FHL2: variants seen among roughly 807,000 people sequenced by gnomAD.
The protein encoded by FHL2 is four and a half LIM domains 2, also known as four and a half LIM domains protein 2.
FHL2 carries 20 observed loss-of-function variants against 32.7 expected under a neutral mutation model. The ratio of observed to expected loss-of-function variants is 0.61; its 90% confidence interval spans 0.43 to 0.89. FHL2 has a LOEUF of 0.89. Among genes scored for constraint, FHL2 ranks in the 40% least tolerant of loss-of-function variants. The pLI is 0.00. For synonymous variants in FHL2, 123 were observed against 128.1 expected, an observed-to-expected ratio of 0.96 and a Z score of 0.27; for missense variants, 311 against 358.6, an observed-to-expected ratio of 0.87 and a Z score of 1.07.
At chr2:105,404,293 G>A (rs974637633) in intron 1 of FHL2, among the ~76,000 whole-genome samples, 3 of 152,212 alleles carry the variant, frequency 2.0e-5, no homozygotes, top group African/African-American at 7.2e-5. Flanking sequence ...TTGATTCAGA[G>A]GCAATCATTC....
At chr2:105,425,637 T>C (rs1173262786) in intron 1 of FHL2, among the ~76,000 whole-genome samples, 20 of 152,102 alleles carry the variant, frequency 1.3e-4, no homozygotes, top group Admixed American at 1.3e-3. Flanking sequence ...AGCTGCCCTG[T>C]GGCGGGAGAC....
At chr2:105,435,297 T>C (rs1051320519) in intron 1 of FHL2, among the ~76,000 whole-genome samples, 22 of 152,242 alleles carry the variant, frequency 1.4e-4, no homozygotes, top group African/African-American at 5.3e-4. Flanking sequence ...ATATATGTAA[T>C]GTTTTCATAT....
At chr2:105,408,564 G>A (rs1683703821) in intron 1 of FHL2, among the ~76,000 whole-genome samples, 1 of 152,154 alleles carries the variant, frequency 6.6e-6, no homozygotes, top group Non-Finnish European at 1.5e-5. Context: ...CATTTATTTT[G>A]GACAGGTCAC....
At chr2:105,404,119 T>G (rs1340844870), upstream of FHL2, among the ~76,000 whole-genome samples, 1 of 152,164 alleles carries the variant, frequency 6.6e-6, no homozygotes, top group East Asian at 1.9e-4. Flanking sequence ...AGGTAGAAAG[T>G]GAACACAGGA....
chr2:105,410,858 T>C (rs369646396), intron 1 of FHL2, among the ~76,000 whole-genome samples: 26 of 152,262 alleles, frequency 1.7e-4, no homozygotes, highest in African/African-American at 6.3e-4. Flanking sequence ...ACCTTGGAGG[T>C]TGCAGTTACA....
Position 105,367,713 on chromosome 2 carries a change from T to C in FHL2, c.358A>G (p.Ser120Gly). 6.2e-7 allele frequency: 1 copy of C among 1,614,182 alleles called. No individual in the cohort carries two copies. The highest frequency in any genetic ancestry group is 1.7e-5 in the Admixed American group (1 of 60,022). Reference protein sequence around the residue: ...PGTRKMEYKGSSWHETCFICH... With the variant: ...PGTRKMEYKGGSWHETCFICH... ...ATGAAGCAGGTCTCATGCCAGCTGC[T>C]GCCCTTGTACTCCATCTTGCGGGTA... Residue 120 changes from serine (S) to glycine (G), a missense_variant, in exon 5 of 7, where the codon AGC (serine) becomes GGC (glycine). Physicochemically the swap from Ser to Gly is moderately conservative, Grantham distance 56. Coordinates refer to ENST00000530340, the MANE Select transcript of FHL2 (RefSeq NM_001318895.3).
upstream of FHL2, among the ~76,000 whole-genome samples, chr2:105,400,158 C>T (rs998874712): frequency 6.6e-6 from 1 of 152,098 alleles, no homozygotes; most frequent in Non-Finnish European, 1.5e-5. Context: ...ACCAGATTTA[C>T]GGTGAGGAAA....
chr2:105,407,580 G>T (rs1370174595), intron 1 of FHL2, among the ~76,000 whole-genome samples: 1 of 151,934 alleles, frequency 6.6e-6, no homozygotes, highest in Non-Finnish European at 1.5e-5. Flanking sequence ...AAAGCCAAGA[G>T]CTTGGCCTTC....
chr2:105,406,484 T>C (rs546953457), intron 1 of FHL2, among the ~76,000 whole-genome samples: 1 of 151,452 alleles, frequency 6.6e-6, no homozygotes, highest in African/African-American at 2.4e-5. Context: ...TTCCTTTTGA[T>C]AACTTGAAAT....
At chr2:105,402,191 G>T (rs1354229975), upstream of FHL2, among the ~76,000 whole-genome samples, 1 of 148,770 alleles carries the variant, frequency 6.7e-6, no homozygotes, top group Non-Finnish European at 1.5e-5. Flanking sequence ...ATGTATATAT[G>T]TATATATATG....
chr2:105,421,285 C>T (rs1001853528), intron 1 of FHL2, among the ~76,000 whole-genome samples: 3 of 152,212 alleles, frequency 2.0e-5, no homozygotes, highest in Non-Finnish European at 4.4e-5. Context: ...TGATCTGGGG[C>T]TTTGTGGCAA....
Position 105,361,064 on chromosome 2 carries a change from C to A in FHL2, c.*219G>T. On this transcript the variant is annotated 3_prime_UTR_variant, in exon 7 of 7. Coordinates refer to ENST00000530340, the MANE Select transcript of FHL2 (RefSeq NM_001318895.3). ...TTACTCGATTACAAAAATTTCAAAC[C>A]ATCTTCCCACCTAGGGCCTAGGGCG... 2.4e-6 allele frequency: 1 copy of A among 408,700 alleles called. No homozygotes were observed. Among genetic ancestry groups the A allele is most frequent in the Non-Finnish European group, 4.3e-6 (1 of 231,554 alleles). The allele number at this position is 408,700 out of a possible 1,614,324, so 25.3% of individuals were successfully genotyped here.
At position 105,373,606 on chromosome 2, in the gene FHL2, T is replaced by A; in HGVS notation, c.284A>T (p.Asn95Ile). The change falls in exon 4 of 7, where the codon AAC becomes ATC. Residue 95 changes from asparagine to isoleucine, a missense_variant. Asn to Ile is a moderately radical substitution (Grantham distance 149). Transcript: ENST00000530340. ...TTCCTGGCACTTGGATGAGTACTCG[T>A]TGGAATAGCAGTCTGTACAGAGCAG... ...DQLLCTDCYS[N>I]EYSSKCQECK... 3.1e-6 allele frequency: 5 copies of A among 1,614,178 alleles called. No homozygotes were observed. Among genetic ancestry groups the A allele is most frequent in the Non-Finnish European group, 4.2e-6 (5 of 1,180,028 alleles).
Position 105,373,707 on chromosome 2 carries a change from C to T in FHL2, c.183G>A (p.Trp61Ter), listed in dbSNP as rs772913386. The T allele has an allele frequency of 6.2e-7, 1 of 1,614,100 alleles. No homozygotes were observed. Among genetic ancestry groups the T allele is most frequent in the Non-Finnish European group, 8.5e-7 (1 of 1,180,032 alleles). ...GCGAGCAGTGGAAACAGGCTTCATG[C>T]CAGTGCCGGTCCTTGTAAGACAAGT... ...CKDLSYKDRH[W>*]HEACFHCSQC... is the part of the protein sequence containing the mutation. Residue 61 changes from tryptophan to a stop codon, truncating the protein, a stop_gained, in exon 4 of 7, where the codon TGG becomes TGA. Coordinates refer to ENST00000530340, the MANE Select transcript of FHL2 (RefSeq NM_001318895.3). LOFTEE classifies it high-confidence loss of function.
intron 3 of FHL2, among the ~76,000 whole-genome samples, chr2:105,379,682 C>T (rs575354127): frequency 9.9e-5 from 15 of 152,196 alleles, no homozygotes; most frequent in Non-Finnish European, 2.1e-4. Context: ...GACCCCAACT[C>T]GCTTTCCAAC....
chr2:105,360,961 T>G lies in FHL2; in HGVS notation c.*322A>C, dbSNP rs1220324042. The G allele has an allele frequency of 4.9e-6, 1 of 206,172 alleles. No homozygotes were observed. The highest frequency in any genetic ancestry group is 1.1e-4 in the East Asian group (1 of 8,986). 12.8% of individuals were successfully genotyped at this position (206,172 alleles called of 1,614,324 possible). ...AAAACTTTCAAGTTCGTGACATATG[T>G]TAATTGCACTTAAATAGACAGTGAG... is the stretch of plus-strand genomic sequence containing the variant. On this transcript the variant is annotated 3_prime_UTR_variant, in exon 7 of 7. Transcript: ENST00000530340.
chr2:105,416,455 A>G (rs186150080), intron 1 of FHL2, among the ~76,000 whole-genome samples: 38 of 152,368 alleles, frequency 2.5e-4, no homozygotes, highest in Non-Finnish European at 4.7e-4. Flanking sequence ...GCCATCTCAG[A>G]TCATCATCTC....
intron 1 of FHL2, among the ~76,000 whole-genome samples, chr2:105,429,474 G>A (rs961448749): frequency 1.3e-5 from 2 of 152,176 alleles, no homozygotes; most frequent in Non-Finnish European, 2.9e-5. Context: ...AAAGAGAAAT[G>A]TGAAGATGCT....
At chr2:105,394,836 T>TA (rs1023406718) in intron 2 of FHL2, among the ~76,000 whole-genome samples, 6 of 152,026 alleles carry the variant, frequency 3.9e-5, no homozygotes, top group Admixed American at 3.9e-4. Context: ...ACTTCCAACT[T>TA]AAAAAAAATA....
Sources: gnomAD v4.1 joint callset for allele counts (sites outside exome capture counted in the v4.1 genomes callset) on GRCh38, gnomAD v4.1.1 for gene constraint, MANE v1.5 for transcripts, NCBI Gene and HGNC (gene_info 2026-07-23, HGNC 2026-07-21) for gene names.